Variants in NAA25 observed in about 807,000 individuals in gnomAD.
NAA25 encodes N-alpha-acetyltransferase 25, NatB auxiliary subunit, also known as N-terminal acetyltransferase B complex subunit NAA25.
Under a neutral mutation model 132.5 loss-of-function variants are expected in NAA25, and 30 were observed. That is an observed-to-expected ratio of 0.23 (90% CI 0.17 to 0.31). The LOEUF (loss-of-function observed/expected upper bound fraction) is 0.31. Ranked by LOEUF, NAA25 falls within the 10% of genes least tolerant of loss-of-function variation. The pLI, the probability that NAA25 is intolerant of heterozygous loss-of-function variation, is 1.00. For synonymous variants in NAA25, 359 were observed against 401.9 expected, an observed-to-expected ratio of 0.89 and a Z score of 1.28; for missense variants, 771 against 1,150.4, an observed-to-expected ratio of 0.67 and a Z score of 4.77.
In NAA25 at chr12:112,087,776, C is replaced by T; in HGVS notation, c.309G>A (p.Glu103=). The part of the protein sequence containing the change: ...HRPELVTKLY[E]AAVKKVPNSE... Reference sequence around the variant, plus strand: ...TATTGGGAACTTTCTTCACAGCTGCCTCATAAAGTTTTGTAACTAACTCCG... The same window carrying T: ...TATTGGGAACTTTCTTCACAGCTGCTTCATAAAGTTTTGTAACTAACTCCG... The change falls in exon 4 of 24, where the codon GAG becomes GAA. Residue 103 remains glutamate (E), a synonymous_variant. Transcript: ENST00000261745. 1 of 1,613,762 alleles carries T rather than the reference C, an allele frequency of 6.2e-7. No homozygotes were observed. Among genetic ancestry groups the T allele is most frequent in the South Asian group, 1.1e-5 (1 of 91,054 alleles).
chr12:112,046,954 G>T (rs946531111), intron 17 of NAA25, among the ~76,000 whole-genome samples: 4 of 152,040 alleles, frequency 2.6e-5, no homozygotes, highest in African/African-American at 7.2e-5. Flanking sequence ...ACTAGGAAAG[G>T]CTTTCCTCAC....
intron 1 of NAA25, among the ~76,000 whole-genome samples, chr12:112,100,611 TGTC>T (rs914588317): frequency 6.7e-6 from 1 of 149,814 alleles, no homozygotes; most frequent in African/African-American, 2.4e-5. Context: ...TTGATTCCAT[TGTC>T]TTTTTTTTTT....
chr12:112,069,104 A>T (rs887434306), intron 10 of NAA25, 112 bp from the exon 11 acceptor site: 3 of 650,842 alleles, frequency 4.6e-6, no homozygotes, highest in Non-Finnish European at 8.1e-6. Context: ...TTTTGCTTGC[A>T]ACTGGTCCCA....
At chr12:112,060,781 G>T (rs1203193853) in intron 12 of NAA25, among the ~76,000 whole-genome samples, 1 of 152,006 alleles carries the variant, frequency 6.6e-6, no homozygotes, top group Non-Finnish European at 1.5e-5. Flanking sequence ...TCTAGCAAAG[G>T]CCACACCTAT....
chr12:112,099,179 G>A (rs1169254460), intron 1 of NAA25, among the ~76,000 whole-genome samples: 1 of 151,992 alleles, frequency 6.6e-6, no homozygotes, highest in East Asian at 1.9e-4. Flanking sequence ...TAGTAGAGAC[G>A]GGGTTTCACC....
chr12:112,033,324 G>A lies in NAA25; in HGVS notation c.2705C>T (p.Ser902Phe). The stretch of plus-strand genomic sequence containing the variant: ...CCCTTTAATATGATCCACAACATTG[G>A]AAATTAAAGTCTGAAGCCCAGTAAC... The part of the protein sequence containing the change: ...DYVTGLQTLI[S>F]NVVDHIKGLE... Residue 902 changes from serine to phenylalanine, a missense_variant, in exon 23 of 24, where the codon TCC becomes TTC. Physicochemically the swap from Ser to Phe is radical, Grantham distance 155. This residue lies in a region of NAA25 where 324 missense variants were observed against 400.0 expected (regional missense o/e 0.81). Transcript: ENST00000261745. 6.2e-7 allele frequency: 1 copy of A among 1,613,294 alleles called. No homozygotes were observed. Among genetic ancestry groups the A allele is most frequent in the South Asian group, 1.1e-5 (1 of 90,926 alleles).
chr12:112,098,771 TTC>T (rs2079250171), intron 1 of NAA25, among the ~76,000 whole-genome samples: 1 of 152,182 alleles, frequency 6.6e-6, no homozygotes, highest in South Asian at 2.1e-4. Flanking sequence ...ATCTCTTTCT[TTC>T]TTTTTTTTGA....
rs1048389902 is a variant in NAA25 at position 112,067,499 on chromosome 12, G to A, written c.1149+1381C>T. Among the ~76,000 whole-genome samples, 7 of 151,840 alleles carry A rather than the reference G, an allele frequency of 4.6e-5. No individual in the cohort carries two copies. The East Asian group carries it at 5.8e-4, about 13-fold the overall frequency. On this transcript the variant is annotated intron_variant, in intron 11 of 23. Transcript: ENST00000261745. Reference sequence around the variant, plus strand: ...TGAGGCGGGTGGATCACTTGAGGTCGGGAGTTCGAGACCAGCCTGGCAAAC... The same window carrying A: ...TGAGGCGGGTGGATCACTTGAGGTCAGGAGTTCGAGACCAGCCTGGCAAAC...
intron 5 of NAA25, among the ~76,000 whole-genome samples, chr12:112,079,344 G>A (rs1443805403): frequency 6.6e-6 from 1 of 152,108 alleles, no homozygotes; most frequent in Non-Finnish European, 1.5e-5. Context: ...AACACTCCAG[G>A]AGGCTGGGGC....
intron 3 of NAA25, chr12:112,090,273 A>T (rs2079112135): frequency 6.6e-6 from 1 of 152,600 alleles, no homozygotes; most frequent in Non-Finnish European, 1.5e-5. Context: ...ATATTTAAGA[A>T]ATTAACAATA....
intron 22 of NAA25, among the ~76,000 whole-genome samples, chr12:112,038,094 A>T (rs1016251769): frequency 3.9e-5 from 6 of 152,100 alleles, no homozygotes; most frequent in African/African-American, 1.4e-4. Flanking sequence ...GCTCACTGCA[A>T]CCTCTGCCTC....
At chr12:112,096,850 T>C (rs774473044) in intron 1 of NAA25, among the ~76,000 whole-genome samples, 8 of 152,218 alleles carry the variant, frequency 5.3e-5, no homozygotes, top group Non-Finnish European at 8.8e-5. Context: ...TCCAGGTTCA[T>C]AGAACCTATC....
intron 20 of NAA25, 64 bp downstream of exon 20, chr12:112,041,975 G>T (rs1166179394): frequency 2.0e-6 from 2 of 987,102 alleles, no homozygotes; most frequent in African/African-American, 1.7e-5. Context: ...ATAGGGGAAA[G>T]AACTTCGAAG....
At chr12:112,054,642 CTTA>C in intron 13 of NAA25, 74 bp from the exon 14 acceptor site, 1 of 1,360,524 alleles carries the variant, frequency 7.4e-7, no homozygotes, top group South Asian at 1.4e-5. Context: ...AAAACAAAAC[CTTA>C]TTGACATCAT....
At chr12:112,071,826 C>CGATGGTCGCCG in intron 10 of NAA25, 69 bp downstream of exon 10, 1 of 1,247,880 alleles carries the variant, frequency 8.0e-7, no homozygotes, top group Non-Finnish European at 1.1e-6. Flanking sequence ...GTGTAGATCT[C>CGATGGTCGCCG]AACTAATGAA....
intron 11 of NAA25, among the ~76,000 whole-genome samples, chr12:112,065,370 G>A (rs1338838352): frequency 1.3e-5 from 2 of 152,080 alleles, no homozygotes; most frequent in African/African-American, 4.8e-5. Context: ...CATGGTGGCG[G>A]GCACCTGTAA....
chr12:112,093,549 GT>G (rs1317184035), intron 1 of NAA25, among the ~76,000 whole-genome samples: 1 of 151,444 alleles, frequency 6.6e-6, no homozygotes, highest in East Asian at 1.9e-4. Flanking sequence ...TCAGAAAAAA[GT>G]AATAACACAA....
chr12:112,097,845 C>T (rs893968264), intron 1 of NAA25, among the ~76,000 whole-genome samples: 2 of 151,782 alleles, frequency 1.3e-5, no homozygotes, highest in African/African-American at 2.4e-5. Flanking sequence ...CGAGCAGACC[C>T]GGCGGCTCAT....
Position 112,039,358 on chromosome 12 carries a change from A to C in NAA25, c.2539-19T>G, listed in dbSNP as rs865954298. 2 of 1,427,850 alleles carry C rather than the reference A, an allele frequency of 1.4e-6. No individual in the cohort carries two copies. Among genetic ancestry groups the C allele is most frequent in the African/African-American group, 2.8e-5 (2 of 70,196 alleles). 88.4% of individuals were successfully genotyped at this position (1,427,850 alleles called of 1,614,324 possible). ...AAATAGTCTGAAAGGAAAAATTGCA[A>C]ATTCACCAATAAGGATTACACTAAA... On this transcript the variant is annotated intron_variant, in intron 21 of 23. Coordinates refer to ENST00000261745, the MANE Select transcript of NAA25 (RefSeq NM_024953.4).
Sources: gnomAD v4.1 joint callset for allele counts (sites outside exome capture counted in the v4.1 genomes callset) on GRCh38, gnomAD v4.1.1 for gene constraint, gnomAD v4.1.1 regional missense constraint, MANE v1.5 for transcripts, NCBI Gene and HGNC (gene_info 2026-07-23, HGNC 2026-07-21) for gene names.